RSPO2: variants seen among roughly 807,000 people sequenced by gnomAD.
RSPO2 encodes R-spondin 2, also known as R-spondin-2.
A neutral mutation model predicts 30.9 loss-of-function variants in RSPO2; 14 were observed. The observed-to-expected ratio is 0.45, with a 90% CI of 0.30 to 0.71. RSPO2 has a LOEUF of 0.71. Among genes scored for constraint, RSPO2 ranks in the 30% least tolerant of loss-of-function variants. The pLI, the probability that RSPO2 is intolerant of heterozygous loss-of-function variation, is 0.08. For synonymous variants in RSPO2, 107 were observed against 96.4 expected, an observed-to-expected ratio of 1.11 and a Z score of -0.64; for missense variants, 264 against 301.9, an observed-to-expected ratio of 0.87 and a Z score of 0.93.
chr8:107,963,567 T>C (rs936659084), intron 3 of RSPO2, among the ~76,000 whole-genome samples: 15 of 124,832 alleles, frequency 1.2e-4, no homozygotes, highest in African/African-American at 3.9e-4. Flanking sequence ...TTGCAAGATA[T>C]ATATAGTATG....
intron 2 of RSPO2, among the ~76,000 whole-genome samples, chr8:108,015,632 C>G (rs1348293749): frequency 6.6e-6 from 1 of 151,600 alleles, no homozygotes; most frequent in Non-Finnish European, 1.5e-5. Flanking sequence ...CACCCCCAAC[C>G]CTTGATATCT....
intron 4 of RSPO2, among the ~76,000 whole-genome samples, chr8:107,959,983 G>A (rs1265737717): frequency 6.6e-6 from 1 of 152,004 alleles, no homozygotes; most frequent in Non-Finnish European, 1.5e-5. Flanking sequence ...TGAAATTCTG[G>A]GGAGGGGGCA....
intron 2 of RSPO2, among the ~76,000 whole-genome samples, chr8:108,000,368 C>A (rs1184044737): frequency 6.6e-6 from 1 of 152,084 alleles, no homozygotes; most frequent in Non-Finnish European, 1.5e-5. Flanking sequence ...TCAACATTTC[C>A]CACCCAAAAC....
chr8:107,954,579 T>C (rs1813357846), intron 5 of RSPO2, among the ~76,000 whole-genome samples: 1 of 150,894 alleles, frequency 6.6e-6, no homozygotes, highest in Admixed American at 6.7e-5. Context: ...TTTCCTTTCA[T>C]TGTCCATCTT....
chr8:107,956,163 C>T (rs748640611), intron 5 of RSPO2, among the ~76,000 whole-genome samples: 1 of 152,030 alleles, frequency 6.6e-6, no homozygotes, highest in Non-Finnish European at 1.5e-5. Flanking sequence ...ATATAAGTAA[C>T]CTTATTACAG....
chr8:107,970,547 T>C (rs1469896186), intron 3 of RSPO2, among the ~76,000 whole-genome samples: 1 of 152,224 alleles, frequency 6.6e-6, no homozygotes, highest in Non-Finnish European at 1.5e-5. Flanking sequence ...ATATACCATC[T>C]GGCTGTGGGC....
At chr8:108,053,686 T>C (rs1232775098) in intron 2 of RSPO2, among the ~76,000 whole-genome samples, 1 of 152,222 alleles carries the variant, frequency 6.6e-6, no homozygotes, top group Non-Finnish European at 1.5e-5. Context: ...TGATTTGACA[T>C]GACTTAATAT....
intron 2 of RSPO2, among the ~76,000 whole-genome samples, chr8:107,995,925 AATT>A (rs1490444834): frequency 6.6e-6 from 1 of 152,140 alleles, no homozygotes; most frequent in Non-Finnish European, 1.5e-5. Context: ...ATTGCCAGAT[AATT>A]ATGATTTGAA....
At chr8:108,042,654 C>G (rs910120179) in intron 2 of RSPO2, among the ~76,000 whole-genome samples, 7 of 152,074 alleles carry the variant, frequency 4.6e-5, no homozygotes, top group Admixed American at 4.6e-4. Context: ...AAGTGGGGAG[C>G]TTGGAGAAGT....
chr8:108,035,604 G>A (rs1811570178), intron 2 of RSPO2, among the ~76,000 whole-genome samples: 1 of 152,120 alleles, frequency 6.6e-6, no homozygotes, highest in Non-Finnish European at 1.5e-5. Flanking sequence ...CCGAGTAGCT[G>A]GGACTACAGG....
At position 107,927,308 on chromosome 8, in the gene RSPO2, G is replaced by A. The variant is rs1219453586; in HGVS notation, c.617-26118C>T. 3.3e-5 allele frequency among the ~76,000 whole-genome samples: 5 copies of A among 152,080 alleles called. No homozygotes were observed. In the South Asian group the frequency reaches 8.3e-4, roughly 25 times the overall value. ...CAGGAGATTTTGGGCTGAGAAGATG[G>A]GGTTTTCTAGATATACAATCATGTC... is the stretch of plus-strand genomic sequence containing the variant. On this transcript the variant is annotated intron_variant, in intron 5 of 5. Coordinates refer to ENST00000276659, the MANE Select transcript of RSPO2 (RefSeq NM_178565.5).
chr8:107,949,708 G>A (rs1462800868), intron 5 of RSPO2, among the ~76,000 whole-genome samples: 1 of 152,142 alleles, frequency 6.6e-6, no homozygotes, highest in Non-Finnish European at 1.5e-5. Context: ...AATAGAAACT[G>A]GAGACTCAGA....
At chr8:107,946,644 T>C (rs766735007) in intron 5 of RSPO2, among the ~76,000 whole-genome samples, 30 of 152,174 alleles carry the variant, frequency 2.0e-4, no homozygotes, top group African/African-American at 6.3e-4. Flanking sequence ...TATTGTATAA[T>C]TAACAACAGG....
At chr8:107,993,126 G>A (rs946695766) in intron 2 of RSPO2, among the ~76,000 whole-genome samples, 1 of 152,068 alleles carries the variant, frequency 6.6e-6, no homozygotes, top group Non-Finnish European at 1.5e-5. Flanking sequence ...TAACACAGAA[G>A]ACTTGAGAAG....
At chr8:107,901,587 T>G (rs1295081876) in intron 5 of RSPO2, among the ~76,000 whole-genome samples, 1 of 152,236 alleles carries the variant, frequency 6.6e-6, no homozygotes, top group Non-Finnish European at 1.5e-5. Flanking sequence ...CATCTATCTA[T>G]AGCAAACATA....
chr8:108,021,616 C>T (rs896682346), intron 2 of RSPO2, among the ~76,000 whole-genome samples: 2 of 152,118 alleles, frequency 1.3e-5, no homozygotes, highest in Non-Finnish European at 2.9e-5. Context: ...GGCATATCTT[C>T]CACCTAAAAG....
At chr8:108,048,049 C>T (rs1586656697) in intron 2 of RSPO2, among the ~76,000 whole-genome samples, 1 of 152,032 alleles carries the variant, frequency 6.6e-6, no homozygotes, top group Non-Finnish European at 1.5e-5. Context: ...AAGTACTATG[C>T]CGCGTGCTTC....
At chr8:108,024,498 A>G (rs1267185430) in intron 2 of RSPO2, among the ~76,000 whole-genome samples, 1 of 152,260 alleles carries the variant, frequency 6.6e-6, no homozygotes, top group African/African-American at 2.4e-5. Flanking sequence ...GCAGAACAAA[A>G]GGGAAATAAA....
At chr8:107,988,460 C>T (rs1397554739) in intron 3 of RSPO2, among the ~76,000 whole-genome samples, 1 of 150,514 alleles carries the variant, frequency 6.6e-6, no homozygotes, top group East Asian at 1.9e-4. Flanking sequence ...AGTAGGTACT[C>T]GTTACAAAAA....
Sources: gnomAD v4.1 joint callset for allele counts (sites outside exome capture counted in the v4.1 genomes callset) on GRCh38, gnomAD v4.1.1 for gene constraint, MANE v1.5 for transcripts, NCBI Gene and HGNC (gene_info 2026-07-23, HGNC 2026-07-21) for gene names.